FAM161B: variants seen among roughly 807,000 people sequenced by gnomAD.
FAM161B encodes the protein FAM161 centrosomal protein B, also known as protein FAM161B.
In FAM161B, 46 loss-of-function variants were observed where a neutral mutation model predicts 61.5. That is an observed-to-expected ratio of 0.75 (90% CI 0.59 to 0.96). The LOEUF (loss-of-function observed/expected upper bound fraction) is 0.96. Ranked by LOEUF, FAM161B falls within the 40% of genes least tolerant of loss-of-function variation. The probability of loss-of-function intolerance (pLI) is 0.00; values close to 1 mark genes in which losing one functional copy is unlikely to be tolerated. For synonymous variants in FAM161B, 284 were observed against 302.7 expected (o/e 0.94, Z 0.64); for missense variants, 774 against 800.7 (o/e 0.97, Z 0.40).
chr14:73,948,620 A>G (rs1334212860), intron 1 of FAM161B, among the ~76,000 whole-genome samples: 1 of 152,214 alleles, frequency 6.6e-6, no homozygotes, highest in East Asian at 1.9e-4. Flanking sequence ...TATACAATAT[A>G]TTCACTCATT....
At chr14:73,937,515 T>A in intron 7 of FAM161B, 87 bp downstream of exon 7, 1 of 1,306,570 alleles carries the variant, frequency 7.7e-7, no homozygotes, top group South Asian at 1.3e-5. Context: ...AGGAAAATTT[T>A]AATACCCACA....
chr14:73,949,561 G>A (rs1473736970), intron 1 of FAM161B, among the ~76,000 whole-genome samples: 1 of 142,784 alleles, frequency 7.0e-6, no homozygotes, highest in Non-Finnish European at 1.5e-5. Flanking sequence ...GTTTCACCAT[G>A]TTGGCCAGGC....
chr14:73,940,055 C>G (rs903069648), intron 5 of FAM161B, among the ~76,000 whole-genome samples: 1 of 152,180 alleles, frequency 6.6e-6, no homozygotes, highest in Non-Finnish European at 1.5e-5. Context: ...TCTACAATCC[C>G]TGCTGTGGGG....
intron 8 of FAM161B, among the ~76,000 whole-genome samples, chr14:73,935,126 T>G (rs2055960460): frequency 6.6e-6 from 1 of 151,742 alleles, no homozygotes. Context: ...TCTAGGGGTA[T>G]AAAACTGAGA....
At chr14:73,941,161 A>C (rs2056015465) in intron 4 of FAM161B, 108 bp from the exon 5 acceptor site, 4 of 1,322,934 alleles carry the variant, frequency 3.0e-6, no homozygotes, top group Non-Finnish European at 3.9e-6. Context: ...TCTTTTGCCC[A>C]GGCTGGAGTG....
chr14:73,931,479 A>T, downstream of FAM161B: 1 of 1,601,882 alleles, frequency 6.2e-7, no homozygotes, highest in Non-Finnish European at 8.5e-7. Flanking sequence ...AACCTATTCT[A>T]GATTTGCTTT....
intron 3 of FAM161B, among the ~76,000 whole-genome samples, chr14:73,943,880 T>A (rs962578473): frequency 6.6e-6 from 1 of 152,200 alleles, no homozygotes. Context: ...CCTGAGCCCC[T>A]TATTTGGAGC....
intron 2 of FAM161B, among the ~76,000 whole-genome samples, chr14:73,945,423 T>A (rs1016741729): frequency 1.2e-4 from 18 of 152,032 alleles, no homozygotes; most frequent in African/African-American, 4.3e-4. Context: ...CCCTGTATTT[T>A]TTTTTATTTT....
intron 7 of FAM161B, among the ~76,000 whole-genome samples, chr14:73,937,295 G>A (rs1594775457): frequency 6.6e-6 from 1 of 152,144 alleles, no homozygotes; most frequent in South Asian, 2.1e-4. Context: ...CATAGAAAGA[G>A]CCAAATGGTC....
intron 4 of FAM161B, among the ~76,000 whole-genome samples, chr14:73,941,878 G>C (rs1027418885): frequency 6.6e-6 from 1 of 152,132 alleles, no homozygotes; most frequent in East Asian, 1.9e-4. Context: ...GCTAATTTTT[G>C]TATTTTTAGT....
At chr14:73,941,108 C>CTTTTTTT (rs11358501) in intron 4 of FAM161B, 55 bp from the exon 5 acceptor site, 2 of 956,720 alleles carry the variant, frequency 2.1e-6, no homozygotes, top group African/African-American at 2.3e-5. Context: ...TAGTTTCTAT[C>CTTTTTTT]TTTTTTTTTT....
chr14:73,937,932 C>T lies in FAM161B; in HGVS notation c.1565+16G>A, dbSNP rs981200896. On this transcript the variant is annotated intron_variant, in intron 6 of 8. Transcript: ENST00000286544. ...CCCAAGGCAAGCACCCCTTTTGACA[C>T]ATAGAGGACACTGACCGGTTCTCTT... The T allele has an allele frequency of 3.1e-6, 5 of 1,613,936 alleles. No individual in the cohort carries two copies. The African/African-American group carries it at 6.7e-5, about 22-fold the overall frequency.
intron 5 of FAM161B, among the ~76,000 whole-genome samples, chr14:73,938,959 C>T (rs2140344160): frequency 6.6e-6 from 1 of 152,180 alleles, no homozygotes; most frequent in East Asian, 1.9e-4. Flanking sequence ...CAGTGAGTTC[C>T]TACCCTAGAA....
chr14:73,932,004 A>G (rs780213430), downstream of FAM161B: 3 of 456,536 alleles, frequency 6.6e-6, no homozygotes, highest in South Asian at 4.6e-5. Flanking sequence ...GAAGGGAGTG[A>G]TGTCAATTCT....
downstream of FAM161B, among the ~76,000 whole-genome samples, chr14:73,928,988 C>G (rs1204722975): frequency 3.3e-5 from 5 of 152,034 alleles, no homozygotes. Flanking sequence ...CAGGAAGGCA[C>G]AAAACCCAGT....
rs139836657 is a variant in FAM161B at position 73,945,891 on chromosome 14, G to A, written c.374+395C>T. On this transcript the variant is annotated intron_variant, in intron 2 of 8. Transcript: ENST00000286544. ...TGAGTAGCTGGGATTACGGGCACAC[G>A]CCACCATGACTGGCTAATTTTTGTA... Among the ~76,000 whole-genome samples the A allele has an allele frequency of 2.2e-3, 333 of 151,688 alleles. 4 individuals are homozygous for A. Among genetic ancestry groups the A allele is most frequent in the African/African-American group, 7.7e-3 (318 of 41,300 alleles).
chr14:73,936,943 C>G (rs1391828364), intron 7 of FAM161B, among the ~76,000 whole-genome samples: 1 of 152,186 alleles, frequency 6.6e-6, no homozygotes, highest in Non-Finnish European at 1.5e-5. Context: ...TTACGGAGAT[C>G]TCAGCTGAGT....
chr14:73,941,036 T>A lies in FAM161B; in HGVS notation c.1290A>T (p.Pro430=), dbSNP rs762474039. Residue 430 remains proline, a synonymous_variant, in exon 5 of 9, where the codon CCA becomes CCT. Transcript: ENST00000286544. ...TGRRQDSPQP[P]ATPLPRSRSL... Reference sequence around the variant, plus strand: ...AACGACTCCTTGGCAGGGGTGTAGCTGGTGGCTGTGGGGAATCCTAGAAGA... The same window carrying A: ...AACGACTCCTTGGCAGGGGTGTAGCAGGTGGCTGTGGGGAATCCTAGAAGA... The A allele has an allele frequency of 2.5e-6, 4 of 1,608,976 alleles. No individual in the cohort carries two copies. The highest frequency in any genetic ancestry group is 3.4e-6 in the Non-Finnish European group (4 of 1,177,344).
Position 73,934,301 on chromosome 14 carries a change from C to T in FAM161B, c.1899G>A (p.Glu633=). The change falls in exon 9 of 9, where the codon GAG becomes GAA. Residue 633 remains glutamate (E), a synonymous_variant. Coordinates refer to ENST00000286544, the MANE Select transcript of FAM161B (RefSeq NM_152445.3). ...EQPASPRKVL[E]ELSHQSPENL... is the part of the protein sequence containing the mutation. ...TTTCTGGTGACTGATGAGACAGCTCCTCCAGTACTTTCCTGGGGCTTGCAG... is the reference window on the plus strand; with the variant it reads ...TTTCTGGTGACTGATGAGACAGCTCTTCCAGTACTTTCCTGGGGCTTGCAG... The T allele has an allele frequency of 1.2e-6, 2 of 1,614,150 alleles. No homozygotes were observed. Among genetic ancestry groups the T allele is most frequent in the South Asian group, 2.2e-5 (2 of 91,072 alleles).
Sources: allele counts gnomAD v4.1 joint callset (sites outside exome capture counted in the v4.1 genomes callset), GRCh38; gene constraint gnomAD v4.1.1; transcripts MANE v1.5; gene names NCBI Gene and HGNC (gene_info 2026-07-23, HGNC 2026-07-21).